The following H3-3B variants were observed in gnomAD, a reference collection of about 807,000 sequenced individuals.
H3-3B encodes histone H3.3.
In H3-3B, 2 loss-of-function variants were observed where a neutral mutation model predicts 13.1. That is an observed-to-expected ratio of 0.15 (90% confidence interval 0.06 to 0.48). H3-3B has a LOEUF of 0.48. Ranked by LOEUF, H3-3B falls within the 20% of genes least tolerant of loss-of-function variation. The pLI is 0.97. For missense variants in H3-3B, 39 were observed against 186.0 expected (o/e 0.21, Z 4.60); for synonymous variants, 133 against 75.8 (o/e 1.76, Z -3.92).
At position 75,776,762 on chromosome 17, in the gene H3-3B, C is replaced by T. The variant is rs965450701; in HGVS notation, c.*1833G>A. 3.3e-5 allele frequency: 5 copies of T among 152,246 alleles called. No individual in the cohort carries two copies. The highest frequency in any genetic ancestry group is 1.9e-4 in the East Asian group (1 of 5,194). 9.4% of individuals were successfully genotyped at this position (152,246 alleles called of 1,614,324 possible). On this transcript the variant is annotated 3_prime_UTR_variant, in exon 4 of 4. Coordinates refer to ENST00000254810, the MANE Select transcript of H3-3B (RefSeq NM_005324.5). ...TAGTAAGCAGAAGCTAACTCATCAC[C>T]GTAGCCAGGTTTGTGTACTTTGTTT...
Position 75,777,030 on chromosome 17 carries a change from A to G in H3-3B, c.*1565T>C, listed in dbSNP as rs1005210287. On this transcript the variant is annotated 3_prime_UTR_variant, in exon 4 of 4. Coordinates refer to ENST00000254810, the MANE Select transcript of H3-3B (RefSeq NM_005324.5). ...TTTGAGAAAGCAATTTTAATGGGGT[A>G]TAACTTTAAGCAGTTGCTAACTTCA... The G allele has an allele frequency of 3.5e-4, 53 of 152,228 alleles. No individual in the cohort carries two copies. Among genetic ancestry groups the G allele is most frequent in the Admixed American group, 5.2e-4 (8 of 15,276 alleles). 9.4% of individuals were successfully genotyped at this position (152,228 alleles called of 1,614,324 possible). A position where few individuals can be genotyped will look rare whatever the true frequency, so the allele number is the denominator to read the frequency against.
At position 75,778,140 on chromosome 17, in the gene H3-3B, C is replaced by A; in HGVS notation, c.*455G>T. The A allele has an allele frequency of 6.6e-6, 1 of 151,416 alleles. No homozygotes were observed. Among genetic ancestry groups the A allele is most frequent in the Non-Finnish European group, 1.5e-5 (1 of 68,244 alleles). The allele number at this position is 151,416 out of a possible 1,614,324, so 9.4% of individuals were successfully genotyped here. ...TTACTTTTTTTTTTTTTAAAGGAAA[C>A]TGTAAGTTACACTGTGGTTAAGACT... On this transcript the variant is annotated 3_prime_UTR_variant, in exon 4 of 4. Coordinates refer to ENST00000254810, the MANE Select transcript of H3-3B (RefSeq NM_005324.5).
At chr17:75,779,341 C>G in intron 1 of H3-3B, 157 bp from the exon 2 acceptor site, 1 of 719,966 alleles carries the variant, frequency 1.4e-6, no homozygotes, top group East Asian at 3.4e-5. Flanking sequence ...CAACCTCCTC[C>G]CCCTCCCCTA....
At position 75,777,095 on chromosome 17, in the gene H3-3B, C is replaced by T. The variant is rs1411942207; in HGVS notation, c.*1500G>A. The T allele has an allele frequency of 6.6e-6, 1 of 152,192 alleles. No homozygotes were observed. Among genetic ancestry groups the T allele is most frequent in the Non-Finnish European group, 1.5e-5 (1 of 68,040 alleles). 9.4% of individuals were successfully genotyped at this position (152,192 alleles called of 1,614,324 possible). A position where few individuals can be genotyped will look rare whatever the true frequency, so the allele number is the denominator to read the frequency against. The stretch of plus-strand genomic sequence containing the variant: ...TGATGACTGCTGGCTCTCATGCTGT[C>T]TCACTGACATCCACGTACTATGCTT... On this transcript the variant is annotated 3_prime_UTR_variant, in exon 4 of 4. Coordinates refer to ENST00000254810, the MANE Select transcript of H3-3B (RefSeq NM_005324.5).
rs750599478 is a variant in H3-3B, at chr17:75,778,467, G to C, written c.*128C>G. ...AACAGTCACTTTTCGCATTCATCCT[G>C]AGTGAAAGATGGAATGACTTAAGTA... is the stretch of plus-strand genomic sequence containing the variant. On this transcript the variant is annotated 3_prime_UTR_variant, in exon 4 of 4. Transcript: ENST00000254810. 1.5e-6 allele frequency: 2 copies of C among 1,312,378 alleles called. No individual in the cohort carries two copies. The highest frequency in any genetic ancestry group is 2.1e-6 in the Non-Finnish European group (2 of 946,640). The allele number at this position is 1,312,378 out of a possible 1,614,324, so 81.3% of individuals were successfully genotyped here.
rs2061650356 is a variant in H3-3B at position 75,778,539 on chromosome 17, T to C, written c.*56A>G. The C allele has an allele frequency of 1.3e-6, 2 of 1,567,522 alleles. No individual in the cohort carries two copies. The highest frequency in any genetic ancestry group is 8.6e-7 in the Non-Finnish European group (1 of 1,157,206). On this transcript the variant is annotated 3_prime_UTR_variant, in exon 4 of 4. Transcript: ENST00000254810. Reference sequence around the variant, plus strand: ...AATTTCTTACAAAAAAAGTCACAAATTAAACCAAAGTATTTTACAGAATTT... The same window carrying C: ...AATTTCTTACAAAAAAAGTCACAAACTAAACCAAAGTATTTTACAGAATTT...
Position 75,777,631 on chromosome 17 carries a change from G to A in H3-3B, c.*964C>T, listed in dbSNP as rs1022889910. ...TTAATTGGCAGAGGTTCAGTGGGCTGGAGTTTTGTGCTCCTCCCCCACACC... is the reference window on the plus strand; with the variant it reads ...TTAATTGGCAGAGGTTCAGTGGGCTAGAGTTTTGTGCTCCTCCCCCACACC... On this transcript the variant is annotated 3_prime_UTR_variant, in exon 4 of 4. Transcript: ENST00000254810. The A allele has an allele frequency of 6.6e-6, 1 of 152,254 alleles. No homozygotes were observed. Among genetic ancestry groups the A allele is most frequent in the Non-Finnish European group, 1.5e-5 (1 of 68,030 alleles). The allele number at this position is 152,254 out of a possible 1,614,324, so 9.4% of individuals were successfully genotyped here.
chr17:75,778,394 G>A lies in H3-3B; in HGVS notation c.*201C>T, dbSNP rs2410862. On this transcript the variant is annotated 3_prime_UTR_variant, in exon 4 of 4. Coordinates refer to ENST00000254810, the MANE Select transcript of H3-3B (RefSeq NM_005324.5). ...TATCACCCATCCCTTCTGCATATTA[G>A]CAACTTGTCACTCCTGAGCAACAGT... The A allele has an allele frequency of 4.6e-6, 3 of 652,188 alleles. No individual in the cohort carries two copies. Among genetic ancestry groups the A allele is most frequent in the Admixed American group, 3.1e-5 (1 of 32,012 alleles). The allele number at this position is 652,188 out of a possible 1,614,324, so 40.4% of individuals were successfully genotyped here. A position where few individuals can be genotyped will look rare whatever the true frequency, so the allele number is the denominator to read the frequency against.
In H3-3B at chr17:75,778,260, A is replaced by C; in HGVS notation, c.*335T>G. On this transcript the variant is annotated 3_prime_UTR_variant, in exon 4 of 4. Transcript: ENST00000254810. ...TGTTAAACACTTGGATCAAGTCATA[A>C]CCAGTTTTATTGCAAAAGGACCCTG... 4.4e-6 allele frequency: 1 copy of C among 229,380 alleles called. No individual in the cohort carries two copies. The highest frequency in any genetic ancestry group is 8.7e-6 in the Non-Finnish European group (1 of 114,368). The allele number at this position is 229,380 out of a possible 1,614,324, so 14.2% of individuals were successfully genotyped here. A position where few individuals can be genotyped will look rare whatever the true frequency, so the allele number is the denominator to read the frequency against.
rs1335828982 is a variant in H3-3B at position 75,777,522 on chromosome 17, A to C, written c.*1073T>G. The C allele has an allele frequency of 2.0e-5, 3 of 152,744 alleles. No homozygotes were observed. Among genetic ancestry groups the C allele is most frequent in the Middle Eastern group, 3.4e-3 (1 of 294 alleles). The allele number at this position is 152,744 out of a possible 1,614,324, so 9.5% of individuals were successfully genotyped here. On this transcript the variant is annotated 3_prime_UTR_variant, in exon 4 of 4. Coordinates refer to ENST00000254810, the MANE Select transcript of H3-3B (RefSeq NM_005324.5). ...CATAATTGACCTAAAAACTTCAGTA[A>C]ATTTTAAAACCACTTGGAAGGCCAT...
chr17:75,778,810 C>T lies in H3-3B; in HGVS notation c.282G>A (p.Gln94=), dbSNP rs1309252528. ...RFQSAAIGAL[Q]EASEAYLVGL... ...CCCCGGCTCCAGGCCTTTGTCTTAC[C>T]TGCAGCGCACCGATGGCTGCGCTCT... The change falls in exon 3 of 4, where the codon CAG becomes CAA. Residue 94 remains glutamine, a splice_region_variant and synonymous_variant. Coordinates refer to ENST00000254810, the MANE Select transcript of H3-3B (RefSeq NM_005324.5). The T allele has an allele frequency of 1.5e-5, 25 of 1,614,212 alleles. No individual in the cohort carries two copies. The highest frequency in any genetic ancestry group is 1.9e-5 in the Non-Finnish European group (23 of 1,180,024).
rs1359982591 is a variant in H3-3B at position 75,776,887 on chromosome 17, ACT to A, written c.*1706_*1707del. ...GTGCTTGTTCCAGAGCTGATTATGAACTTTCTAGAAAAGCGGGTCATTATATT... is the reference window on the plus strand; with the variant it reads ...GTGCTTGTTCCAGAGCTGATTATGAATTCTAGAAAAGCGGGTCATTATATT... On this transcript the variant is annotated 3_prime_UTR_variant, in exon 4 of 4. Transcript: ENST00000254810. The A allele has an allele frequency of 2.0e-5, 3 of 152,226 alleles. No individual in the cohort carries two copies. Among genetic ancestry groups the A allele is most frequent in the African/African-American group, 2.4e-5 (1 of 41,454 alleles). 9.4% of individuals were successfully genotyped at this position (152,226 alleles called of 1,614,324 possible). A position where few individuals can be genotyped will look rare whatever the true frequency, so the allele number is the denominator to read the frequency against.
rs755819816 is a variant in H3-3B at position 75,778,590 on chromosome 17, T to G, written c.*5A>C. On this transcript the variant is annotated 3_prime_UTR_variant, in exon 4 of 4. Coordinates refer to ENST00000254810, the MANE Select transcript of H3-3B (RefSeq NM_005324.5). ...ACTACAAAACGCCATAAAAACTGCC[T>G]TCACTTAAGCTCTCTCTCCCCGTAT... is the stretch of plus-strand genomic sequence containing the variant. The G allele has an allele frequency of 6.2e-7, 1 of 1,607,922 alleles. No individual in the cohort carries two copies. The highest frequency in any genetic ancestry group is 1.7e-5 in the Admixed American group (1 of 58,392).
In H3-3B at chr17:75,779,543, C is replaced by A. The variant is rs962730124; in HGVS notation, c.-11+114G>T. On this transcript the variant is annotated intron_variant, in intron 1 of 3. Coordinates refer to ENST00000254810, the MANE Select transcript of H3-3B (RefSeq NM_005324.5). ...AGGGGAAACCTCCCGGCCCCATACC[C>A]GACCCGACGCCAGCGGCCCGAGCAG... The A allele has an allele frequency of 6.7e-5, 11 of 163,822 alleles. No homozygotes were observed. In the East Asian group the frequency reaches 1.7e-3, roughly 25 times the overall value. The allele number at this position is 163,822 out of a possible 1,614,324, so 10.1% of individuals were successfully genotyped here.
Position 75,778,415 on chromosome 17 carries a change from A to G in H3-3B, c.*180T>C. The stretch of plus-strand genomic sequence containing the variant: ...ATTAGCAACTTGTCACTCCTGAGCA[A>G]CAGTGCTCACATCACTGAGGTCTGT... On this transcript the variant is annotated 3_prime_UTR_variant, in exon 4 of 4. Coordinates refer to ENST00000254810, the MANE Select transcript of H3-3B (RefSeq NM_005324.5). 1.3e-6 allele frequency: 1 copy of G among 785,916 alleles called. No individual in the cohort carries two copies. Among genetic ancestry groups the G allele is most frequent in the Non-Finnish European group, 2.0e-6 (1 of 499,300 alleles). 48.7% of individuals were successfully genotyped at this position (785,916 alleles called of 1,614,324 possible). A position where few individuals can be genotyped will look rare whatever the true frequency, so the allele number is the denominator to read the frequency against.
rs1019832359 is a variant in H3-3B, at chr17:75,776,889, T to C, written c.*1706A>G. ...GCTTGTTCCAGAGCTGATTATGAAC[T>C]TTCTAGAAAAGCGGGTCATTATATT... On this transcript the variant is annotated 3_prime_UTR_variant, in exon 4 of 4. Coordinates refer to ENST00000254810, the MANE Select transcript of H3-3B (RefSeq NM_005324.5). The C allele has an allele frequency of 6.6e-6, 1 of 152,228 alleles. No homozygotes were observed. Among genetic ancestry groups the C allele is most frequent in the Non-Finnish European group, 1.5e-5 (1 of 68,044 alleles). 9.4% of individuals were successfully genotyped at this position (152,228 alleles called of 1,614,324 possible). A position where few individuals can be genotyped will look rare whatever the true frequency, so the allele number is the denominator to read the frequency against.
Position 75,779,187 on chromosome 17 carries a change from A to G in H3-3B, c.-10-3T>C. 3 of 1,494,338 alleles carry G rather than the reference A, an allele frequency of 2.0e-6. No homozygotes were observed. Among genetic ancestry groups the G allele is most frequent in the Non-Finnish European group, 2.7e-6 (3 of 1,123,482 alleles). The allele number at this position is 1,494,338 out of a possible 1,614,324, so 92.6% of individuals were successfully genotyped here. A position where few individuals can be genotyped will look rare whatever the true frequency, so the allele number is the denominator to read the frequency against. On this transcript the variant is annotated splice_region_variant and splice_polypyrimidine_tract_variant and intron_variant, in intron 1 of 3. Transcript: ENST00000254810. ...TGGTTCGGGCCATTTTCTTTCACCTAAGAAAGACGCCCCGAAGATAAGGCC... is the reference window on the plus strand; with the variant it reads ...TGGTTCGGGCCATTTTCTTTCACCTGAGAAAGACGCCCCGAAGATAAGGCC...
rs1232517058 is a variant in H3-3B, at chr17:75,778,587, G to T, written c.*8C>A. On this transcript the variant is annotated 3_prime_UTR_variant, in exon 4 of 4. Coordinates refer to ENST00000254810, the MANE Select transcript of H3-3B (RefSeq NM_005324.5). Reference sequence around the variant, plus strand: ...TTTACTACAAAACGCCATAAAAACTGCCTTCACTTAAGCTCTCTCTCCCCG... The same window carrying T: ...TTTACTACAAAACGCCATAAAAACTTCCTTCACTTAAGCTCTCTCTCCCCG... 6.2e-7 allele frequency: 1 copy of T among 1,606,880 alleles called. No homozygotes were observed. Among genetic ancestry groups the T allele is most frequent in the Non-Finnish European group, 8.5e-7 (1 of 1,177,354 alleles).
rs915317102 is a variant in H3-3B at position 75,777,010 on chromosome 17, G to A, written c.*1585C>T. The A allele has an allele frequency of 2.6e-5, 4 of 152,154 alleles. No homozygotes were observed. The highest frequency in any genetic ancestry group is 1.9e-4 in the East Asian group (1 of 5,194). 9.4% of individuals were successfully genotyped at this position (152,154 alleles called of 1,614,324 possible). A position where few individuals can be genotyped will look rare whatever the true frequency, so the allele number is the denominator to read the frequency against. ...ATTTGAAACTAACCCAAACTTTTGA[G>A]AAAGCAATTTTAATGGGGTATAACT... is the stretch of plus-strand genomic sequence containing the variant. On this transcript the variant is annotated 3_prime_UTR_variant, in exon 4 of 4. Coordinates refer to ENST00000254810, the MANE Select transcript of H3-3B (RefSeq NM_005324.5).
Sources: gnomAD v4.1 joint callset for allele counts on GRCh38, gnomAD v4.1.1 for gene constraint, MANE v1.5 for transcripts, NCBI Gene and HGNC (gene_info 2026-07-23, HGNC 2026-07-21) for gene names.